KCNT2: variants seen among roughly 807,000 people sequenced by gnomAD.
KCNT2 encodes the protein potassium sodium-activated channel subfamily T member 2.
A neutral mutation model predicts 153.8 loss-of-function variants in KCNT2; 67 were observed. The ratio of observed to expected loss-of-function variants is 0.44; its 90% CI spans 0.36 to 0.53. KCNT2 has a LOEUF of 0.53. Ranked by LOEUF, KCNT2 falls within the 20% of genes least tolerant of loss-of-function variation. KCNT2 has a pLI of 0.00. For synonymous variants in KCNT2, 500 were observed against 458.8 expected, an observed-to-expected ratio of 1.09 and a Z score of -1.15; for missense variants, 975 against 1,354.8, an observed-to-expected ratio of 0.72 and a Z score of 4.40.
At chr1:196,369,905 C>A (rs116854845) in intron 14 of KCNT2, among the ~76,000 whole-genome samples, 1 of 151,946 alleles carries the variant, frequency 6.6e-6, no homozygotes, top group East Asian at 1.9e-4. Flanking sequence ...CACCACACTG[C>A]GAAGGACATG....
At chr1:196,570,118 G>A (rs1322489490) in intron 1 of KCNT2, among the ~76,000 whole-genome samples, 3 of 145,102 alleles carry the variant, frequency 2.1e-5, no homozygotes, top group Non-Finnish European at 4.4e-5. Flanking sequence ...TTTGAGTATG[G>A]AGGCTTTGTG....
intron 26 of KCNT2, among the ~76,000 whole-genome samples, chr1:196,242,481 A>G (rs1464620321): frequency 6.6e-6 from 1 of 152,174 alleles, no homozygotes; most frequent in Non-Finnish European, 1.5e-5. Flanking sequence ...AAACAATATT[A>G]AACATATACT....
intron 1 of KCNT2, among the ~76,000 whole-genome samples, chr1:196,598,647 T>A (rs962129507): frequency 6.6e-6 from 1 of 152,186 alleles, no homozygotes; most frequent in African/African-American, 2.4e-5. Context: ...TTAAATCACA[T>A]TTGTGTATGT....
intron 26 of KCNT2, among the ~76,000 whole-genome samples, chr1:196,255,024 G>A (rs1656337598): frequency 6.6e-6 from 1 of 151,464 alleles, no homozygotes; most frequent in South Asian, 2.1e-4. Flanking sequence ...ATTATCAGCA[G>A]TCACATCAGG....
chr1:196,371,222 A>G (rs1668504002), intron 14 of KCNT2, among the ~76,000 whole-genome samples: 1 of 129,682 alleles, frequency 7.7e-6, no homozygotes, highest in Non-Finnish European at 1.7e-5. Flanking sequence ...CGTCACTACA[A>G]AAAAAAAAAA....
chr1:196,495,088 T>A (rs1462973372), intron 1 of KCNT2, among the ~76,000 whole-genome samples: 1 of 152,074 alleles, frequency 6.6e-6, no homozygotes, highest in Non-Finnish European at 1.5e-5. Flanking sequence ...TCTTAATGAA[T>A]CTGGCGATCT....
At chr1:196,469,695 C>A (rs773081155) in intron 5 of KCNT2, among the ~76,000 whole-genome samples, 3 of 152,102 alleles carry the variant, frequency 2.0e-5, no homozygotes, top group Non-Finnish European at 4.4e-5. Flanking sequence ...TTCAACTAAT[C>A]ACGAGGACCT....
intron 13 of KCNT2, among the ~76,000 whole-genome samples, chr1:196,388,489 A>G (rs1270920635): frequency 1.3e-5 from 2 of 151,662 alleles, no homozygotes; most frequent in Admixed American, 6.6e-5. Flanking sequence ...ATTTGGATAT[A>G]ATTAACATGT....
intron 1 of KCNT2, among the ~76,000 whole-genome samples, chr1:196,559,611 A>G (rs149795409): frequency 4.9e-4 from 74 of 151,926 alleles, no homozygotes; most frequent in African/African-American, 1.6e-3. Flanking sequence ...ATTTTAGCAA[A>G]GTAAGAAAGT....
chr1:196,516,017 G>A (rs1473772476), intron 1 of KCNT2, among the ~76,000 whole-genome samples: 1 of 152,170 alleles, frequency 6.6e-6, no homozygotes, highest in East Asian at 1.9e-4. Context: ...AGGAGCATTA[G>A]ATACCCAGAC....
chr1:196,406,606 A>T (rs542203664), intron 12 of KCNT2, among the ~76,000 whole-genome samples: 141 of 151,400 alleles, frequency 9.3e-4, no homozygotes, highest in African/African-American at 3.3e-3. Flanking sequence ...AAAAAAAAAA[A>T]AATTAAAAGA....
chr1:196,457,934 A>C (rs1676820979), intron 8 of KCNT2, among the ~76,000 whole-genome samples: 1 of 151,990 alleles, frequency 6.6e-6, no homozygotes, highest in African/African-American at 2.4e-5. Flanking sequence ...GATAAAAACC[A>C]GAATTAGAAG....
chr1:196,303,079 A>G (rs1450073978), intron 22 of KCNT2, among the ~76,000 whole-genome samples: 1 of 151,926 alleles, frequency 6.6e-6, no homozygotes, highest in East Asian at 1.9e-4. Context: ...TTTTCTTTAG[A>G]AAACTTGTAA....
At chr1:196,373,086 CTTA>C (rs746106379) in intron 14 of KCNT2, 51 bp downstream of exon 14, 8 of 840,154 alleles carry the variant, frequency 9.5e-6, no homozygotes, top group African/African-American at 3.5e-5. Context: ...CATAACTGCC[CTTA>C]TTGTTTTTTA....
At chr1:196,481,404 A>G (rs1230717901) in intron 4 of KCNT2, among the ~76,000 whole-genome samples, 1 of 152,214 alleles carries the variant, frequency 6.6e-6, no homozygotes, top group Admixed American at 6.5e-5. Flanking sequence ...GCTGGACTTT[A>G]CCACTACTCA....
At chr1:196,402,272 C>G (rs1671478067) in intron 12 of KCNT2, among the ~76,000 whole-genome samples, 1 of 151,452 alleles carries the variant, frequency 6.6e-6, no homozygotes, top group African/African-American at 2.4e-5. Context: ...GTTTTAATGA[C>G]TATAAAAATC....
At chr1:196,267,678 G>A (rs547148235) in intron 25 of KCNT2, among the ~76,000 whole-genome samples, 49 of 152,228 alleles carry the variant, frequency 3.2e-4, no homozygotes, top group African/African-American at 9.6e-4. Flanking sequence ...TATACCATTA[G>A]AACAGCAACT....
chr1:196,271,172 C>A (rs1658029368), intron 25 of KCNT2, among the ~76,000 whole-genome samples: 1 of 151,912 alleles, frequency 6.6e-6, no homozygotes, highest in Admixed American at 6.6e-5. Flanking sequence ...GAAAAGAATA[C>A]TATAAGACCT....
At chr1:196,402,760 G>A (rs1020515052) in intron 12 of KCNT2, among the ~76,000 whole-genome samples, 1 of 151,506 alleles carries the variant, frequency 6.6e-6, no homozygotes, top group South Asian at 2.1e-4. Flanking sequence ...TTAAAATTGG[G>A]CCAGAGATCA....
Sources: allele counts gnomAD v4.1 joint callset (sites outside exome capture counted in the v4.1 genomes callset), GRCh38; gene constraint gnomAD v4.1.1; transcripts MANE v1.5; gene names NCBI Gene and HGNC (gene_info 2026-07-23, HGNC 2026-07-21).